The following BPTF variants were observed in gnomAD, a reference collection of about 807,000 sequenced individuals.
BPTF encodes bromodomain PHD finger transcription factor, also known as nucleosome-remodeling factor subunit BPTF.
BPTF carries 18 observed loss-of-function variants against 292.5 expected under a neutral mutation model. The observed-to-expected ratio is 0.06, with a 90% CI of 0.04 to 0.09. BPTF has a LOEUF of 0.09. Among genes scored for constraint, BPTF ranks in the 10% least tolerant of loss-of-function variants. The probability of loss-of-function intolerance (pLI) is 1.00; values close to 1 mark genes in which losing one functional copy is unlikely to be tolerated. For synonymous variants in BPTF, 1,225 were observed against 1,251.9 expected (o/e 0.98, Z 0.45); for missense variants, 2,726 against 3,498.7 (o/e 0.78, Z 5.57).
intron 16 of BPTF, chr17:67,928,809 A>G (rs1412905399): frequency 2.1e-6 from 2 of 962,556 alleles, no homozygotes; most frequent in East Asian, 2.9e-5. Context: ...CACTTTCAAC[A>G]TTTACATAGT....
rs56335701 is a variant in BPTF at position 67,843,754 on chromosome 17, C to CTTTTT, written c.614-10162_614-10158dup. On this transcript the variant is annotated intron_variant, in intron 1 of 27. Transcript: ENST00000306378. ...TTTTTAAATTGTCTGGAGCAGTTGTCTTTTTTTTTTTTTTTTTTTTTTTTT... is the reference window on the plus strand; with the variant it reads ...TTTTTAAATTGTCTGGAGCAGTTGTCTTTTTTTTTTTTTTTTTTTTTTTTTTTTTT... 2.4e-4 allele frequency among the ~76,000 whole-genome samples: 15 copies of CTTTTT among 62,230 alleles called. 1 individual carries two copies. The highest frequency in any genetic ancestry group is 1.0e-3 in the African/African-American group (12 of 11,926). 40.8% of individuals were successfully genotyped at this position (62,230 alleles called of 152,430 possible). A position where few individuals can be genotyped will look rare whatever the true frequency, so the allele number is the denominator to read the frequency against.
At chr17:67,938,323 G>T (rs535628659) in intron 18 of BPTF, among the ~76,000 whole-genome samples, 2 of 152,286 alleles carry the variant, frequency 1.3e-5, no homozygotes, top group South Asian at 4.1e-4. Flanking sequence ...GCAATGCAAG[G>T]ACATAGCACT....
In BPTF at chr17:67,905,407, C is replaced by CA. The variant is rs879321766; in HGVS notation, c.2812+580dup. Among the ~76,000 whole-genome samples the CA allele has an allele frequency of 3.2e-3, 444 of 138,900 alleles. 2 individuals are homozygous for CA. The highest frequency in any genetic ancestry group is 3.1e-3 in the Admixed American group (42 of 13,700). The allele number at this position is 138,900 out of a possible 152,430, so 91.1% of individuals were successfully genotyped here. A position where few individuals can be genotyped will look rare whatever the true frequency, so the allele number is the denominator to read the frequency against. ...TAGGTGACAGAGCAAGACTCTGTCT[C>CA]AAAAAAAAAAAAATTCAGGCCAGCC... On this transcript the variant is annotated intron_variant, in intron 9 of 27. Transcript: ENST00000306378.
chr17:67,901,305 A>T (rs1180125980), intron 7 of BPTF, among the ~76,000 whole-genome samples: 1 of 115,510 alleles, frequency 8.7e-6, no homozygotes, highest in Non-Finnish European at 1.6e-5. Context: ...AAGAATTGTT[A>T]AAAAAAAAAA....
At chr17:67,834,646 TAATTA>T (rs1459088184) in intron 1 of BPTF, among the ~76,000 whole-genome samples, 1 of 152,208 alleles carries the variant, frequency 6.6e-6, no homozygotes, top group Non-Finnish European at 1.5e-5. Context: ...TTTATCCTCT[TAATTA>T]TTTAACCCCT....
rs1598603519 is a variant in BPTF, at chr17:67,911,689, C to A, written c.3805C>A (p.Leu1269Met). Residue 1269 changes from leucine to methionine, a missense_variant, in exon 11 of 28, where the codon CTG (leucine) becomes ATG (methionine). Around this residue, in one of 22 missense-constraint regions of BPTF, gnomAD observed 713 missense variants for 714.9 expected, o/e 1.00. Coordinates refer to ENST00000306378, the MANE Select transcript of BPTF (RefSeq NM_182641.4). The part of the protein sequence containing the change: ...KSTNDRDATP[L>M]SRAMDFEGKL... ...TACCAATGACAGAGATGCCACACCT[C>A]TGTCAAGAGCAATGGACTTTGAAGG... The A allele has an allele frequency of 1.2e-6, 2 of 1,614,036 alleles. No individual in the cohort carries two copies. Among genetic ancestry groups the A allele is most frequent in the East Asian group, 4.5e-5 (2 of 44,896 alleles).
At chr17:67,957,926 A>G (rs1348781291) in intron 23 of BPTF, among the ~76,000 whole-genome samples, 6 of 152,188 alleles carry the variant, frequency 3.9e-5, no homozygotes, top group African/African-American at 1.4e-4. Flanking sequence ...GCCAATCACA[A>G]TGGGTTTGTT....
In BPTF at chr17:67,979,169, CAA is replaced by C. The variant is rs11376410; in HGVS notation, c.8727-3063_8727-3062del. Among the ~76,000 whole-genome samples, 45 of 72,560 alleles carry C rather than the reference CAA, an allele frequency of 6.2e-4. 2 individuals carry two copies. Among genetic ancestry groups the C allele is most frequent in the African/African-American group, 3.4e-3 (43 of 12,502 alleles). The allele number at this position is 72,560 out of a possible 152,430, so 47.6% of individuals were successfully genotyped here. A position where few individuals can be genotyped will look rare whatever the true frequency, so the allele number is the denominator to read the frequency against. On this transcript the variant is annotated intron_variant, in intron 27 of 27. Transcript: ENST00000306378. The stretch of plus-strand genomic sequence containing the variant: ...TGGAAGACACAACAAGACCCTGTCT[CAA>C]AAAAAAAAAAAAAAAAAAAGGCCCT...
chr17:67,901,809 A>C (rs148284560), intron 7 of BPTF, among the ~76,000 whole-genome samples: 1 of 152,350 alleles, frequency 6.6e-6, no homozygotes, highest in African/African-American at 2.4e-5. Flanking sequence ...TCTGAAGAGT[A>C]GTTTGACCCT....
intron 7 of BPTF, among the ~76,000 whole-genome samples, chr17:67,897,434 A>G (rs914715712): frequency 2.6e-5 from 4 of 151,890 alleles, no homozygotes; most frequent in Non-Finnish European, 4.4e-5. Flanking sequence ...TGGAATTTTA[A>G]AGCCTTCACA....
At chr17:67,896,052 TC>T (rs751074391) in intron 7 of BPTF, among the ~76,000 whole-genome samples, 1 of 147,996 alleles carries the variant, frequency 6.8e-6, no homozygotes, top group Non-Finnish European at 1.5e-5. Flanking sequence ...CAGCTCCGCC[TC>T]CCGGGTTCAC....
chr17:67,832,715 G>C (rs1240931234), intron 1 of BPTF, among the ~76,000 whole-genome samples: 1 of 148,848 alleles, frequency 6.7e-6, no homozygotes, highest in African/African-American at 2.5e-5. Flanking sequence ...ATCACTCCCT[G>C]TTCTTCACCT....
Position 67,826,004 on chromosome 17 carries a change from G to T in BPTF, c.280G>T (p.Gly94Trp), listed in dbSNP as rs927765332. 1.3e-5 allele frequency: 15 copies of T among 1,162,204 alleles called. No individual in the cohort carries two copies. The highest frequency in any genetic ancestry group is 1.6e-5 in the African/African-American group (1 of 61,516). The allele number at this position is 1,162,204 out of a possible 1,614,324, so 72.0% of individuals were successfully genotyped here. A position where few individuals can be genotyped will look rare whatever the true frequency, so the allele number is the denominator to read the frequency against. Reference protein sequence around the residue: ...PPSTSAPGRGGRGGGGGRTGG... With the variant: ...PPSTSAPGRGWRGGGGGRTGG... ...CAGCACCAGCGCCCCGGGCCGGGGG[G>T]GGCGAGGAGGCGGGGGCGGCAGGAC... The change falls in exon 1 of 28, where the codon GGG becomes TGG. Residue 94 changes from glycine (G) to tryptophan (W), a missense_variant. Physicochemically the swap from Gly to Trp is radical, Grantham distance 184 (BLOSUM62 -2). Coordinates refer to ENST00000306378, the MANE Select transcript of BPTF (RefSeq NM_182641.4).
rs369553954 is a variant in BPTF, at chr17:67,911,585, A to G, written c.3701A>G (p.Lys1234Arg). The change falls in exon 11 of 28, where the codon AAA becomes AGA. Residue 1234 changes from lysine to arginine, a missense_variant. Coordinates refer to ENST00000306378, the MANE Select transcript of BPTF (RefSeq NM_182641.4). ...DDIGTLICKN[K>R]KPLIQEESDT... ...ATTGGTACTTTGATCTGTAAGAACA[A>G]AAAACCGCTCATACAGGAGGAAAGT... 15 of 1,614,208 alleles carry G rather than the reference A, an allele frequency of 9.3e-6. No individual in the cohort carries two copies. The highest frequency in any genetic ancestry group is 1.1e-5 in the Non-Finnish European group (13 of 1,180,032).
At chr17:67,922,405 AAC>A (rs1385142935) in intron 13 of BPTF, among the ~76,000 whole-genome samples, 17 of 152,304 alleles carry the variant, frequency 1.1e-4, no homozygotes, top group African/African-American at 4.1e-4. Flanking sequence ...GTGATAGGGA[AAC>A]ACATGTTGTA....
At chr17:67,913,728 T>C (rs917636731) in intron 11 of BPTF, among the ~76,000 whole-genome samples, 2 of 152,216 alleles carry the variant, frequency 1.3e-5, no homozygotes, top group Non-Finnish European at 2.9e-5. Context: ...GAAATTTTTT[T>C]AAACCCAGAA....
At chr17:67,876,255 TTTAAAA>T (rs2145782525) in intron 4 of BPTF, among the ~76,000 whole-genome samples, 1 of 152,344 alleles carries the variant, frequency 6.6e-6, no homozygotes, top group African/African-American at 2.4e-5. Context: ...ATTTTCAGTT[TTTAAAA>T]TTAAAGTTAT....
chr17:67,825,968 C>G lies in BPTF; in HGVS notation c.244C>G (p.Pro82Ala), dbSNP rs910313919. 2.9e-6 allele frequency: 3 copies of G among 1,028,826 alleles called. No individual in the cohort carries two copies. The highest frequency in any genetic ancestry group is 2.3e-6 in the Non-Finnish European group (2 of 859,900). The allele number at this position is 1,028,826 out of a possible 1,614,324, so 63.7% of individuals were successfully genotyped here. Residue 82 changes from proline to alanine, a missense_variant, in exon 1 of 28, where the codon CCG (proline) becomes GCG (alanine). Transcript: ENST00000306378. ...CCGGAGGAAGCCGCCGCCGCCGCCG[C>G]CGGCCCCCCCCAGCACCAGCGCCCC... ...SSRRKPPPPP[P>A]APPSTSAPGR...
chr17:67,849,080 G>T (rs998840863), intron 1 of BPTF, among the ~76,000 whole-genome samples: 4 of 152,066 alleles, frequency 2.6e-5, no homozygotes, highest in Non-Finnish European at 5.9e-5. Context: ...TGCTTCCCTT[G>T]CATGAGTTTC....
Sources: gnomAD v4.1 joint callset for allele counts (sites outside exome capture counted in the v4.1 genomes callset) on GRCh38, gnomAD v4.1.1 for gene constraint, gnomAD v4.1.1 regional missense constraint, MANE v1.5 for transcripts, NCBI Gene and HGNC (gene_info 2026-07-23, HGNC 2026-07-21) for gene names.